Variants in DMRT1 observed in about 807,000 individuals in gnomAD.
DMRT1 encodes doublesex and mab-3 related transcription factor 1, also known as doublesex- and mab-3-related transcription factor 1.
A neutral mutation model predicts 32.3 loss-of-function variants in DMRT1; 7 were observed. The ratio of observed to expected loss-of-function variants is 0.22; its 90% confidence interval spans 0.12 to 0.41. The LOEUF (loss-of-function observed/expected upper bound fraction) is 0.41. Among genes scored for constraint, DMRT1 ranks in the 10% least tolerant of loss-of-function variants. DMRT1 has a pLI of 1.00. For missense variants in DMRT1, 625 were observed against 500.5 expected, an observed-to-expected ratio of 1.25 and a Z score of -2.37; for synonymous variants, 278 against 206.1, an observed-to-expected ratio of 1.35 and a Z score of -2.99.
At chr9:880,110 C>T (rs1015040539) in intron 2 of DMRT1, among the ~76,000 whole-genome samples, 5 of 152,136 alleles carry the variant, frequency 3.3e-5, no homozygotes, top group African/African-American at 1.2e-4. Context: ...AGAATGCCGC[C>T]AAATATCTGA....
At position 968,997 on chromosome 9, in the gene DMRT1, CAG is replaced by C. The variant is rs1305433747; in HGVS notation, c.*860_*861del. Reference sequence around the variant, plus strand: ...TGCTATGGAGTACTTTGTTATATAACAGAAGCCATCCTGAAATGAAACTAGTC... The same window carrying C: ...TGCTATGGAGTACTTTGTTATATAACAAGCCATCCTGAAATGAAACTAGTC... On this transcript the variant is annotated 3_prime_UTR_variant, in exon 5 of 5. Transcript: ENST00000382276. The C allele has an allele frequency of 6.6e-6, 1 of 152,618 alleles. No individual in the cohort carries two copies. The highest frequency in any genetic ancestry group is 1.5e-5 in the Non-Finnish European group (1 of 68,036). 9.5% of individuals were successfully genotyped at this position (152,618 alleles called of 1,614,324 possible). A position where few individuals can be genotyped will look rare whatever the true frequency, so the allele number is the denominator to read the frequency against.
chr9:854,758 G>T (rs1019744523), intron 2 of DMRT1, among the ~76,000 whole-genome samples: 2 of 136,466 alleles, frequency 1.5e-5, no homozygotes, highest in Non-Finnish European at 3.1e-5. Context: ...AGAGTTTCTA[G>T]CAAAACAAAA....
intron 4 of DMRT1, among the ~76,000 whole-genome samples, chr9:936,664 G>A (rs1818896135): frequency 1.3e-5 from 2 of 150,008 alleles, no homozygotes; most frequent in Non-Finnish European, 2.9e-5. Context: ...GAGGCAATGA[G>A]AATCGCTTGA....
In DMRT1 at chr9:968,154, C is replaced by CGATGGCG; in HGVS notation, c.*17_*23dup. On this transcript the variant is annotated 3_prime_UTR_variant, in exon 5 of 5. Coordinates refer to ENST00000382276, the MANE Select transcript of DMRT1 (RefSeq NM_021951.3). The stretch of plus-strand genomic sequence containing the variant: ...AGGACGAGTGAGCAGTGCCTGCTGC[C>CGATGGCG]GATGGCGGTTCACTTGGAGTAACAG... 1 of 1,613,742 alleles carries CGATGGCG rather than the reference C, an allele frequency of 6.2e-7. No individual in the cohort carries two copies. The highest frequency in any genetic ancestry group is 2.2e-5 in the East Asian group (1 of 44,876).
intron 2 of DMRT1, among the ~76,000 whole-genome samples, chr9:852,373 G>A (rs1374983432): frequency 4.2e-5 from 6 of 143,756 alleles, no homozygotes; most frequent in Admixed American, 6.9e-5. Flanking sequence ...GTGGTTTCAT[G>A]TTTTGAACTT....
chr9:946,003 TCTTA>T (rs1170745972), intron 4 of DMRT1, among the ~76,000 whole-genome samples: 23 of 152,190 alleles, frequency 1.5e-4, no homozygotes, highest in Admixed American at 6.5e-4. Flanking sequence ...GTCTTAGAGA[TCTTA>T]CATGTTTAGT....
At chr9:880,740 A>G (rs1488664075) in intron 2 of DMRT1, among the ~76,000 whole-genome samples, 1 of 150,092 alleles carries the variant, frequency 6.7e-6, no homozygotes, top group Non-Finnish European at 1.5e-5. Context: ...AAAAAAAAAA[A>G]AAAGAAAAGA....
At chr9:846,324 C>T (rs1838902977) in intron 1 of DMRT1, among the ~76,000 whole-genome samples, 1 of 152,132 alleles carries the variant, frequency 6.6e-6, no homozygotes, top group Non-Finnish European at 1.5e-5. Context: ...CGAACCACCA[C>T]TCCTGGCCCT....
intron 2 of DMRT1, among the ~76,000 whole-genome samples, chr9:887,023 A>G (rs1446376963): frequency 6.6e-6 from 1 of 152,208 alleles, no homozygotes; most frequent in Non-Finnish European, 1.5e-5. Context: ...TGGATGACAG[A>G]TATTAACAAT....
chr9:882,287 C>T (rs879389894), intron 2 of DMRT1, among the ~76,000 whole-genome samples: 1 of 152,170 alleles, frequency 6.6e-6, no homozygotes, highest in Admixed American at 6.5e-5. Context: ...ACCACTGTGC[C>T]AGGAGCACCC....
rs1379061729 is a variant in DMRT1, at chr9:923,806, A to C, written c.967+6899A>C. Reference sequence around the variant, plus strand: ...GAAAGCTGAATGTGTTTTATGCAACATTTAGAAAATGCTGAGTTTAATTTA... The same window carrying C: ...GAAAGCTGAATGTGTTTTATGCAACCTTTAGAAAATGCTGAGTTTAATTTA... On this transcript the variant is annotated intron_variant, in intron 4 of 4. Transcript: ENST00000382276. Among the ~76,000 whole-genome samples the C allele has an allele frequency of 2.0e-5, 3 of 152,236 alleles. No homozygotes were observed. In the South Asian group the frequency reaches 6.2e-4, roughly 31 times the overall value.
intron 3 of DMRT1, among the ~76,000 whole-genome samples, chr9:906,088 C>T (rs1408381603): frequency 6.6e-6 from 1 of 151,956 alleles, no homozygotes; most frequent in East Asian, 1.9e-4. Context: ...CTTTAGGGAA[C>T]AGTGGTAACG....
chr9:844,699 T>C (rs1037857096), intron 1 of DMRT1, among the ~76,000 whole-genome samples: 3 of 150,998 alleles, frequency 2.0e-5, no homozygotes, highest in South Asian at 4.2e-4. Context: ...TAAATTGTAG[T>C]TGTTTTTCTT....
intron 4 of DMRT1, among the ~76,000 whole-genome samples, chr9:941,497 AG>A (rs1819070827): frequency 6.6e-6 from 1 of 152,202 alleles, no homozygotes; most frequent in Non-Finnish European, 1.5e-5. Flanking sequence ...CAAAACATAG[AG>A]GCAAAAAGTG....
In DMRT1 at chr9:901,867, C is replaced by A. The variant is rs34962788; in HGVS notation, c.822+7672C>A. Among the ~76,000 whole-genome samples, 11 of 150,412 alleles carry A rather than the reference C, an allele frequency of 7.3e-5. No homozygotes were observed. In the South Asian group the frequency reaches 2.3e-3, roughly 32 times the overall value. The stretch of plus-strand genomic sequence containing the variant: ...GATAACACCCTCACTCCAAGGCTGC[C>A]CTCTCACCCCCATGGCCCACACCAT... On this transcript the variant is annotated intron_variant, in intron 3 of 4. Transcript: ENST00000382276.
chr9:930,665 C>T (rs1023566914), intron 4 of DMRT1, among the ~76,000 whole-genome samples: 3 of 152,036 alleles, frequency 2.0e-5, no homozygotes, highest in Non-Finnish European at 4.4e-5. Context: ...GCCTCAGCTT[C>T]CCAAAGTGCT....
At position 877,436 on chromosome 9, in the gene DMRT1, C is replaced by T. The variant is rs534259037; in HGVS notation, c.539-16476C>T. On this transcript the variant is annotated intron_variant, in intron 2 of 4. Transcript: ENST00000382276. ...ATTTGGTGGGCACATGTATGGCCAGCAACCCTGTTTGCACCTTTTCTTTCC... is the reference window on the plus strand; with the variant it reads ...ATTTGGTGGGCACATGTATGGCCAGTAACCCTGTTTGCACCTTTTCTTTCC... Among the ~76,000 whole-genome samples the T allele has an allele frequency of 8.5e-5, 13 of 152,314 alleles. No homozygotes were observed. In the East Asian group the frequency reaches 2.3e-3, roughly 27 times the overall value.
rs1234970763 is a variant in DMRT1 at position 842,273 on chromosome 9, T to C, written c.354+81T>C. 1.0e-5 allele frequency: 15 copies of C among 1,485,398 alleles called. No individual in the cohort carries two copies. The East Asian group carries it at 2.7e-4, about 27-fold the overall frequency. 92.0% of individuals were successfully genotyped at this position (1,485,398 alleles called of 1,614,324 possible). On this transcript the variant is annotated intron_variant, in intron 1 of 4. Coordinates refer to ENST00000382276, the MANE Select transcript of DMRT1 (RefSeq NM_021951.3). ...TTTTTTAGATGGAGTCTCGCTCGGTTGCCCAGGCTGCAGTGTAGTGGCGCG... is the reference window on the plus strand; with the variant it reads ...TTTTTTAGATGGAGTCTCGCTCGGTCGCCCAGGCTGCAGTGTAGTGGCGCG...
chr9:897,175 C>A (rs1008486541), intron 3 of DMRT1, among the ~76,000 whole-genome samples: 13 of 151,410 alleles, frequency 8.6e-5, no homozygotes, highest in African/African-American at 3.1e-4. Flanking sequence ...TGCAGTGGCG[C>A]CATCTCGGCT....
Sources: allele counts gnomAD v4.1 joint callset (sites outside exome capture counted in the v4.1 genomes callset), GRCh38; gene constraint gnomAD v4.1.1; transcripts MANE v1.5; gene names NCBI Gene and HGNC (gene_info 2026-07-23, HGNC 2026-07-21).